Variants in RAI14 observed in about 807,000 individuals in gnomAD.
RAI14 encodes the protein retinoic acid induced 14.
RAI14 carries 45 observed loss-of-function variants against 115.4 expected under a neutral mutation model. The observed-to-expected ratio is 0.39, with a 90% confidence interval of 0.31 to 0.50. RAI14 has a LOEUF of 0.50. Among genes scored for constraint, RAI14 ranks in the 20% least tolerant of loss-of-function variants. The pLI, the probability that RAI14 is intolerant of heterozygous loss-of-function variation, is 0.85. For missense variants in RAI14, 939 were observed against 1,131.2 expected (o/e 0.83, Z 2.44); for synonymous variants, 371 against 415.4 (o/e 0.89, Z 1.30).
Position 34,666,293 on chromosome 5 carries a change from G to A in RAI14, c.-49+9818G>A, listed in dbSNP as rs144653449. ...GTACTCCTAGGCTCACAGATGTCCC[G>A]GCCCCCCGACAGTACTCCTAGTCTC... is the stretch of plus-strand genomic sequence containing the variant. On this transcript the variant is annotated intron_variant, in intron 1 of 17. Coordinates refer to ENST00000265109, the MANE Select transcript of RAI14 (RefSeq NM_015577.3). Among the ~76,000 whole-genome samples, 8 of 151,812 alleles carry A rather than the reference G, an allele frequency of 5.3e-5. No individual in the cohort carries two copies. In the East Asian group the frequency reaches 1.4e-3, roughly 26 times the overall value.
At chr5:34,822,770 G>A (rs1405534736) in intron 14 of RAI14, among the ~76,000 whole-genome samples, 186 bp from the exon 15 acceptor site, 4 of 132,126 alleles carry the variant, frequency 3.0e-5, no homozygotes, top group African/African-American at 1.1e-4. Context: ...TGCAAGCTCC[G>A]CCTCCCGGGT....
At chr5:34,751,140 C>T (rs1326920179) in intron 2 of RAI14, among the ~76,000 whole-genome samples, 4 of 144,130 alleles carry the variant, frequency 2.8e-5, no homozygotes, top group East Asian at 2.0e-4. Flanking sequence ...TGTGAGCCAC[C>T]GCGCCCGGCC....
chr5:34,784,115 G>A (rs542874941), intron 3 of RAI14, among the ~76,000 whole-genome samples: 1 of 152,188 alleles, frequency 6.6e-6, no homozygotes, highest in Non-Finnish European at 1.5e-5. Context: ...AATAGCTTTA[G>A]CTTCTTTCAT....
At chr5:34,691,583 A>G (rs1196686714) in intron 2 of RAI14, among the ~76,000 whole-genome samples, 1 of 152,194 alleles carries the variant, frequency 6.6e-6, no homozygotes, top group Non-Finnish European at 1.5e-5. Context: ...GTAGATGCCA[A>G]TTTTTAGTGA....
intron 2 of RAI14, among the ~76,000 whole-genome samples, chr5:34,742,966 G>A (rs72730558): frequency 0.12 from 17,993 of 152,242 alleles, 1,344 homozygotes; most frequent in South Asian, 0.21. Flanking sequence ...CCAGCCTGCT[G>A]TTTTTAGTGT....
chr5:34,698,897 G>A (rs185131124), intron 2 of RAI14, among the ~76,000 whole-genome samples: 22 of 152,204 alleles, frequency 1.4e-4, no homozygotes, highest in African/African-American at 3.1e-4. Context: ...CAAGAACGAC[G>A]GGATTTGAGT....
chr5:34,784,487 A>G (rs562961758), intron 3 of RAI14, among the ~76,000 whole-genome samples: 1 of 152,296 alleles, frequency 6.6e-6, no homozygotes, highest in Admixed American at 6.5e-5. Flanking sequence ...AGCTTGCTGT[A>G]TTTGTGCCTT....
At chr5:34,741,934 T>C (rs1341407549) in intron 2 of RAI14, among the ~76,000 whole-genome samples, 1 of 152,160 alleles carries the variant, frequency 6.6e-6, no homozygotes, top group Non-Finnish European at 1.5e-5. Context: ...CACGTGTCAT[T>C]GTGCCCCAGG....
At chr5:34,794,874 A>G (rs993852330) in intron 3 of RAI14, among the ~76,000 whole-genome samples, 4 of 152,214 alleles carry the variant, frequency 2.6e-5, no homozygotes, top group South Asian at 4.1e-4. Context: ...GATTTCAATG[A>G]TAGATCCTTC....
At chr5:34,711,226 A>C (rs1741359650) in intron 2 of RAI14, among the ~76,000 whole-genome samples, 1 of 152,154 alleles carries the variant, frequency 6.6e-6, no homozygotes, top group Non-Finnish European at 1.5e-5. Context: ...CCGAAAAGAG[A>C]CTCAGCAAAG....
intron 2 of RAI14, among the ~76,000 whole-genome samples, chr5:34,725,962 CAAAA>C (rs199657623): frequency 3.5e-5 from 4 of 113,740 alleles, no homozygotes; most frequent in African/African-American, 6.1e-5. Context: ...AACTGCTTCT[CAAAA>C]AAAAAAAAAA....
chr5:34,734,062 C>T lies in RAI14; in HGVS notation c.37-23406C>T, dbSNP rs530634387. On this transcript the variant is annotated intron_variant, in intron 2 of 17. Coordinates refer to ENST00000265109, the MANE Select transcript of RAI14 (RefSeq NM_015577.3). Reference sequence around the variant, plus strand: ...AGCTACCACCGTGCCACGCTTTTCTCTCCAGTTCTTTTCTTCTCTGTGGCT... The same window carrying T: ...AGCTACCACCGTGCCACGCTTTTCTTTCCAGTTCTTTTCTTCTCTGTGGCT... Among the ~76,000 whole-genome samples the T allele has an allele frequency of 1.3e-4, 20 of 152,370 alleles. 1 individual carries two copies. In the South Asian group the frequency reaches 4.1e-3, roughly 32 times the overall value.
chr5:34,818,960 C>G, intron 13 of RAI14, 109 bp downstream of exon 13: 1 of 970,380 alleles, frequency 1.0e-6, no homozygotes, highest in Middle Eastern at 2.2e-4. Flanking sequence ...TGTCACAAGC[C>G]AGCATGTCCA....
rs540323125 is a variant in RAI14 at position 34,791,854 on chromosome 5, G to C, written c.168-4085G>C. ...CAAAGCTGTGGCCTTCACAGAGGAA[G>C]ACAGCCACTGCCGAGGTATGGCTAG... On this transcript the variant is annotated intron_variant, in intron 3 of 17. Coordinates refer to ENST00000265109, the MANE Select transcript of RAI14 (RefSeq NM_015577.3). This position sits in a 1 kb window ranked among gnomAD's most constrained non-coding sequence, Gnocchi z 5.4. 1.1e-3 allele frequency among the ~76,000 whole-genome samples: 167 copies of C among 152,334 alleles called. No homozygotes were observed. Among genetic ancestry groups the C allele is most frequent in the African/African-American group, 3.7e-3 (155 of 41,576 alleles).
chr5:34,714,827 A>G (rs1419372836), intron 2 of RAI14, among the ~76,000 whole-genome samples: 2 of 152,104 alleles, frequency 1.3e-5, no homozygotes, highest in Non-Finnish European at 1.5e-5. Context: ...CAGTAGCCCA[A>G]CCTTGAAAAC....
intron 3 of RAI14, among the ~76,000 whole-genome samples, chr5:34,788,078 G>A (rs1206836334): frequency 6.6e-6 from 1 of 151,100 alleles, no homozygotes; most frequent in Admixed American, 6.6e-5. Context: ...TACCACACCT[G>A]GCTAATTTTT....
At chr5:34,804,251 G>A (rs1310636748) in intron 5 of RAI14, among the ~76,000 whole-genome samples, 3 of 152,090 alleles carry the variant, frequency 2.0e-5, no homozygotes, top group African/African-American at 7.2e-5. Context: ...CTTGGGTTTT[G>A]TTTAAGTCCT....
chr5:34,658,037 G>C (rs1742417290), intron 1 of RAI14, among the ~76,000 whole-genome samples: 1 of 152,208 alleles, frequency 6.6e-6, no homozygotes, highest in Non-Finnish European at 1.5e-5. Context: ...GCCAGTGCTT[G>C]TCTAACAGAG....
intron 2 of RAI14, among the ~76,000 whole-genome samples, chr5:34,720,711 AT>A (rs897355366): frequency 3.3e-5 from 5 of 151,154 alleles, no homozygotes; most frequent in African/African-American, 9.7e-5. Flanking sequence ...CGCCCGGCAG[AT>A]TTTTTTTTCT....
Sources: allele counts gnomAD v4.1 joint callset (sites outside exome capture counted in the v4.1 genomes callset), GRCh38; gene constraint gnomAD v4.1.1; non-coding constraint Gnocchi (gnomAD v3.1); transcripts MANE v1.5; gene names NCBI Gene and HGNC (gene_info 2026-07-23, HGNC 2026-07-21).